Variants in CRMP1 observed in about 807,000 individuals in gnomAD.
The protein encoded by CRMP1 is collapsin response mediator protein 1.
In CRMP1, 19 loss-of-function variants were observed where a neutral mutation model predicts 68.3. That is an observed-to-expected ratio of 0.28 (90% confidence interval 0.19 to 0.41). CRMP1 has a LOEUF of 0.41. Ranked by LOEUF, CRMP1 falls within the 10% of genes least tolerant of loss-of-function variation. CRMP1 has a pLI of 1.00. For synonymous variants in CRMP1, 439 were observed against 399.6 expected (o/e 1.10, Z -1.18); for missense variants, 791 against 967.4 (o/e 0.82, Z 2.42).
Position 5,860,968 on chromosome 4 carries a change from GT to G in CRMP1, c.655+57del, listed in dbSNP as rs1374634009. 1.3e-6 allele frequency: 2 copies of G among 1,550,920 alleles called. No homozygotes were observed. On this transcript the variant is annotated intron_variant, in intron 3 of 13. Transcript: ENST00000324989. The surrounding 1 kb of genome is among the most constrained non-coding windows in gnomAD (Gnocchi z 4.2). Reference sequence around the variant, plus strand: ...AACACACTGAGCACTTGTGATGCTGGTGATGGGGAGGAGACCTCACAGTCTA... The same window carrying G: ...AACACACTGAGCACTTGTGATGCTGGGATGGGGAGGAGACCTCACAGTCTA...
rs1267349401 is a variant in CRMP1 at position 5,835,981 on chromosome 4, C to T, written c.1557G>A (p.Ser519=). The T allele has an allele frequency of 6.3e-6, 10 of 1,599,996 alleles. No homozygotes were observed. Among genetic ancestry groups the T allele is most frequent in the African/African-American group, 1.3e-5 (1 of 74,426 alleles). ...YPRKGRIAVG[S]DADVVIWDPD... is the part of the protein sequence containing the mutation. ...GGTCCCAGATGACCACGTCGGCATC[C>T]GAGCCCACGGCAATCCGCCCTTTCC... is the stretch of plus-strand genomic sequence containing the variant. Residue 519 remains serine (S), a synonymous_variant, in exon 11 of 14, where the codon TCG becomes TCA. Transcript: ENST00000324989.
Position 5,843,231 on chromosome 4 carries a change from C to T in CRMP1, c.964-70G>A, listed in dbSNP as rs961633861. 2.9e-5 allele frequency: 45 copies of T among 1,536,060 alleles called. No homozygotes were observed. Among genetic ancestry groups the T allele is most frequent in the Middle Eastern group, 1.7e-4 (1 of 5,930 alleles). ...GCTGGGAGAAGTGACTCCTCCAACC[C>T]CCTGGTTAGACAGAGGGGGCAGCTG... On this transcript the variant is annotated intron_variant, in intron 6 of 13. Coordinates refer to ENST00000324989, the MANE Select transcript of CRMP1 (RefSeq NM_001014809.3). This position sits in a 1 kb window ranked among gnomAD's most constrained non-coding sequence, Gnocchi z 4.1.
intron 4 of CRMP1, among the ~76,000 whole-genome samples, chr4:5,852,727 TG>T (rs1560502990): frequency 6.6e-6 from 1 of 152,164 alleles, no homozygotes; most frequent in Non-Finnish European, 1.5e-5. Context: ...GCTCGCCATC[TG>T]GGCTGGGGTG....
intron 4 of CRMP1, among the ~76,000 whole-genome samples, chr4:5,852,008 G>A (rs545203055): frequency 2.0e-5 from 3 of 151,296 alleles, no homozygotes; most frequent in Admixed American, 6.6e-5. Context: ...GAAAGAGGAC[G>A]AGGAGGAGGA....
intron 13 of CRMP1, chr4:5,824,998 C>T (rs1287680673): frequency 1.0e-6 from 1 of 985,248 alleles, no homozygotes; most frequent in Non-Finnish European, 1.2e-6. Context: ...GCTTCCGTTT[C>T]CTCTTTAAAT....
chr4:5,844,936 G>A (rs1047602288), intron 6 of CRMP1, among the ~76,000 whole-genome samples: 11 of 152,180 alleles, frequency 7.2e-5, no homozygotes, highest in Non-Finnish European at 1.2e-4. Flanking sequence ...CACGCATCAC[G>A]GTTCCAAATG....
intron 6 of CRMP1, among the ~76,000 whole-genome samples, chr4:5,848,584 C>T (rs767329168): frequency 3.9e-5 from 6 of 152,246 alleles, no homozygotes; most frequent in Non-Finnish European, 5.9e-5. Context: ...TGCATGGCTG[C>T]AGTCCATTAT....
Position 5,821,632 on chromosome 4 carries a change from A to C in CRMP1, c.*128T>G, listed in dbSNP as rs141382799. 131 of 848,850 alleles carry C rather than the reference A, an allele frequency of 1.5e-4. No homozygotes were observed. The African/African-American group carries it at 2.1e-3, about 13-fold the overall frequency. The allele number at this position is 848,850 out of a possible 1,614,324, so 52.6% of individuals were successfully genotyped here. A position where few individuals can be genotyped will look rare whatever the true frequency, so the allele number is the denominator to read the frequency against. On this transcript the variant is annotated 3_prime_UTR_variant, in exon 14 of 14. Transcript: ENST00000324989. The surrounding 1 kb of genome is among the most constrained non-coding windows in gnomAD (Gnocchi z 4.4). ...TTCTTCCTAAACAGAAAAGGGAAAG[A>C]GCATCCTTCGACTTCCCCCTCCCTC...
At chr4:5,882,175 CT>C (rs1374048436) in intron 1 of CRMP1, among the ~76,000 whole-genome samples, 11 of 152,194 alleles carry the variant, frequency 7.2e-5, no homozygotes, top group African/African-American at 2.7e-4. Flanking sequence ...CGATTTAGAG[CT>C]TGATCATACA....
intron 1 of CRMP1, among the ~76,000 whole-genome samples, chr4:5,874,940 C>G (rs2152472205): frequency 6.6e-6 from 1 of 152,302 alleles, no homozygotes; most frequent in African/African-American, 2.4e-5. Flanking sequence ...AAGACTCTAC[C>G]AAAACCCTGC....
intron 1 of CRMP1, among the ~76,000 whole-genome samples, chr4:5,867,901 T>C (rs1316400628): frequency 6.6e-6 from 1 of 151,698 alleles, no homozygotes; most frequent in Non-Finnish European, 1.5e-5. Context: ...GGAAGGTGGA[T>C]AGATAAACAC....
intron 11 of CRMP1, among the ~76,000 whole-genome samples, chr4:5,832,137 CAGAA>C (rs910726654): frequency 1.3e-5 from 2 of 152,190 alleles, no homozygotes; most frequent in African/African-American, 2.4e-5. Flanking sequence ...TCCATAGAAA[CAGAA>C]AGCAGATTAG....
intron 6 of CRMP1, among the ~76,000 whole-genome samples, chr4:5,848,616 A>G (rs11945849): frequency 0.18 from 26,827 of 152,254 alleles, 2,659 homozygotes; most frequent in African/African-American, 0.26. Context: ...TGAACCTCAC[A>G]TACACGATGT....
At position 5,872,146 on chromosome 4, in the gene CRMP1, C is replaced by A. The variant is rs1270883919; in HGVS notation, c.382-5390G>T. Among the ~76,000 whole-genome samples the A allele has an allele frequency of 2.0e-5, 3 of 152,306 alleles. No homozygotes were observed. The highest frequency in any genetic ancestry group is 4.1e-4 in the South Asian group (2 of 4,824). On this transcript the variant is annotated intron_variant, in intron 1 of 13. Transcript: ENST00000324989. The surrounding 1 kb of genome is among the most constrained non-coding windows in gnomAD (Gnocchi z 4.6). ...GAAGATAGAACTTAGAACCCTCCCC[C>A]ACCCAAGTAATAAGATCAACGGGCC... is the stretch of plus-strand genomic sequence containing the variant.
At chr4:5,824,733 A>T in intron 13 of CRMP1, 1 of 985,162 alleles carries the variant, frequency 1.0e-6, no homozygotes, top group Non-Finnish European at 1.2e-6. Flanking sequence ...GCCTTCTAAG[A>T]AAAAAAATCA....
At position 5,843,801 on chromosome 4, in the gene CRMP1, T is replaced by A. The variant is rs370027610; in HGVS notation, c.964-640A>T. 2.0e-5 allele frequency among the ~76,000 whole-genome samples: 3 copies of A among 152,252 alleles called. No homozygotes were observed. In the East Asian group the frequency reaches 5.8e-4, roughly 29 times the overall value. ...CTCATTAATTGGCAGCCGGCTCTCA[T>A]ACCTACTTCAGCTGCCTCTTCCTGG... On this transcript the variant is annotated intron_variant, in intron 6 of 13. Coordinates refer to ENST00000324989, the MANE Select transcript of CRMP1 (RefSeq NM_001014809.3). The surrounding 1 kb of genome is among the most constrained non-coding windows in gnomAD (Gnocchi z 4.1).
chr4:5,868,253 CTATATATCTATATATATA>C (rs1331353304), intron 1 of CRMP1, among the ~76,000 whole-genome samples: 3 of 83,134 alleles, frequency 3.6e-5, no homozygotes, highest in African/African-American at 4.2e-5. Flanking sequence ...TTCTTCATGA[CTATATATCTATATATATA>C]TATATATATA....
chr4:5,821,653 C>T lies in CRMP1; in HGVS notation c.*107G>A, dbSNP rs572486136. On this transcript the variant is annotated 3_prime_UTR_variant, in exon 14 of 14. Transcript: ENST00000324989. The surrounding 1 kb of genome is among the most constrained non-coding windows in gnomAD (Gnocchi z 4.4). ...AAAGAGCATCCTTCGACTTCCCCCT[C>T]CCTCCATCAGCACCAACTAAAACTG... 2.9e-6 allele frequency: 3 copies of T among 1,033,718 alleles called. No individual in the cohort carries two copies. Among genetic ancestry groups the T allele is most frequent in the Non-Finnish European group, 4.3e-6 (3 of 705,374 alleles). The allele number at this position is 1,033,718 out of a possible 1,614,324, so 64.0% of individuals were successfully genotyped here. A position where few individuals can be genotyped will look rare whatever the true frequency, so the allele number is the denominator to read the frequency against.
rs747754055 is a variant in CRMP1, at chr4:5,839,593, C to T, written c.1239G>A (p.Ala413=). 124 of 1,612,534 alleles carry T rather than the reference C, an allele frequency of 7.7e-5. No homozygotes were observed. Among genetic ancestry groups the T allele is most frequent in the Non-Finnish European group, 9.8e-5 (116 of 1,179,366 alleles). The change falls in exon 9 of 14, where the codon GCG becomes GCA. Residue 413 remains alanine, a synonymous_variant. Coordinates refer to ENST00000324989, the MANE Select transcript of CRMP1 (RefSeq NM_001014809.3). The stretch of plus-strand genomic sequence containing the variant: ...TCAGGGGAGGGGAAGTCACGAACGC[C>T]GCAGCCTTGGCCCAGTTCTTGCTCC... ...HYWSKNWAKA[A]AFVTSPPLSP... is the part of the protein sequence containing the mutation.
Sources: allele counts gnomAD v4.1 joint callset (sites outside exome capture counted in the v4.1 genomes callset), GRCh38; gene constraint gnomAD v4.1.1; non-coding constraint Gnocchi (gnomAD v3.1); transcripts MANE v1.5; gene names NCBI Gene and HGNC (gene_info 2026-07-23, HGNC 2026-07-21).